Variants in PLCZ1 observed in about 807,000 individuals in gnomAD.
PLCZ1 encodes phospholipase C zeta 1.
PLCZ1 carries 64 observed loss-of-function variants against 76.8 expected under a neutral mutation model. The observed-to-expected ratio is 0.83, with a 90% confidence interval of 0.68 to 1.03. PLCZ1 has a LOEUF of 1.03. Ranked by LOEUF, PLCZ1 falls within the 50% of genes least tolerant of loss-of-function variation. The pLI is 0.00. For missense variants in PLCZ1, 751 were observed against 713.7 expected, an observed-to-expected ratio of 1.05 and a Z score of -0.60; for synonymous variants, 248 against 230.8, an observed-to-expected ratio of 1.07 and a Z score of -0.68.
At chr12:18,692,325 T>A (rs1954224215) in intron 12 of PLCZ1, among the ~76,000 whole-genome samples, 1 of 152,186 alleles carries the variant, frequency 6.6e-6, no homozygotes, top group East Asian at 1.9e-4. Context: ...GGTACAGTTA[T>A]AGCCTAAAAT....
intron 3 of PLCZ1, among the ~76,000 whole-genome samples, chr12:18,734,647 G>A (rs1390262130): frequency 2.0e-5 from 3 of 152,232 alleles, no homozygotes; most frequent in South Asian, 2.1e-4. Context: ...CACCACACCC[G>A]GCCTTGTGGT....
At chr12:18,692,810 G>A (rs1425352788) in intron 12 of PLCZ1, 5 of 1,531,130 alleles carry the variant, frequency 3.3e-6, no homozygotes, top group African/African-American at 2.7e-5. Context: ...GTGGCAAGAA[G>A]GATGACAAGC....
rs115260669 is a variant in PLCZ1, at chr12:18,689,523, G to A, written c.1462-1305C>T. Among the ~76,000 whole-genome samples the A allele has an allele frequency of 8.7e-3, 1,323 of 152,228 alleles. 15 individuals carry two copies. Among genetic ancestry groups the A allele is most frequent in the African/African-American group, 0.03 (1,265 of 41,550 alleles). On this transcript the variant is annotated intron_variant, in intron 12 of 14. Transcript: ENST00000266505. ...CCAAGATAATTCCTCTTCTTCCAAC[G>A]TGGCCCAGGGAAGCCAAAATATTGG...
chr12:18,714,920 G>A (rs1365444270), intron 5 of PLCZ1: 2 of 151,724 alleles, frequency 1.3e-5, no homozygotes, highest in African/African-American at 4.8e-5. Context: ...AGGGAGTGTC[G>A]TCCCAGCACC....
intron 6 of PLCZ1, among the ~76,000 whole-genome samples, chr12:18,706,406 A>G (rs910204141): frequency 1.3e-5 from 2 of 152,234 alleles, no homozygotes; most frequent in Non-Finnish European, 2.9e-5. Flanking sequence ...CATTATTAAC[A>G]CTGATGAGTT....
intron 3 of PLCZ1, chr12:18,735,631 T>C (rs1295664749): frequency 6.6e-6 from 1 of 152,374 alleles, no homozygotes; most frequent in Non-Finnish European, 1.5e-5. Flanking sequence ...AAATTTCCCT[T>C]TTTTTTCTAG....
chr12:18,710,494 T>A (rs1957167808), intron 6 of PLCZ1, among the ~76,000 whole-genome samples: 1 of 151,996 alleles, frequency 6.6e-6, no homozygotes. Flanking sequence ...TGTACAAATT[T>A]CAGCTTTTAT....
chr12:18,704,177 T>G (rs1348771207), intron 7 of PLCZ1, among the ~76,000 whole-genome samples: 1 of 152,038 alleles, frequency 6.6e-6, no homozygotes, highest in African/African-American at 2.4e-5. Context: ...AGATGAAGAC[T>G]AAAAGAGGTT....
intron 6 of PLCZ1, among the ~76,000 whole-genome samples, chr12:18,708,345 C>G (rs1245837632): frequency 6.6e-6 from 1 of 152,054 alleles, no homozygotes; most frequent in East Asian, 1.9e-4. Context: ...ATGGAAAGAT[C>G]TCATTCTTTG....
At chr12:18,692,659 A>G (rs2137137025) in intron 12 of PLCZ1, 1 of 645,964 alleles carries the variant, frequency 1.5e-6, no homozygotes, top group East Asian at 2.8e-5. Flanking sequence ...GCAGGAGAAA[A>G]AAATCATTTC....
chr12:18,662,080 A>G, the PLCZ1 span, among the ~76,000 whole-genome samples: 3 of 152,124 alleles, frequency 2.0e-5, no homozygotes, highest in Non-Finnish European at 2.9e-5. Context: ...AATCTTGAGT[A>G]CACATGGACA....
chr12:18,726,304 G>A (rs1302814900), intron 3 of PLCZ1, among the ~76,000 whole-genome samples: 2 of 152,114 alleles, frequency 1.3e-5, no homozygotes, highest in African/African-American at 4.8e-5. Context: ...TAAAATAAGA[G>A]TAATAAAATC....
the PLCZ1 span, among the ~76,000 whole-genome samples, chr12:18,675,657 A>G: frequency 6.6e-6 from 1 of 152,070 alleles, no homozygotes; most frequent in Non-Finnish European, 1.5e-5. Context: ...ATAAAATGTG[A>G]TATATATATC....
chr12:18,662,652 G>T, the PLCZ1 span, among the ~76,000 whole-genome samples: 1 of 151,940 alleles, frequency 6.6e-6, no homozygotes, highest in Non-Finnish European at 1.5e-5. Flanking sequence ...AGTAATTATT[G>T]GTTCATATAT....
chr12:18,720,893 G>T (rs1485345569), intron 4 of PLCZ1, among the ~76,000 whole-genome samples: 1 of 151,986 alleles, frequency 6.6e-6, no homozygotes, highest in Non-Finnish European at 1.5e-5. Context: ...ATATAGTGAT[G>T]TAAGTAAATG....
intron 3 of PLCZ1, chr12:18,731,095 C>T (rs1422215582): frequency 6.6e-6 from 1 of 151,940 alleles, no homozygotes; most frequent in Non-Finnish European, 1.5e-5. Context: ...TTAACCTCCT[C>T]TTTGTGGTTT....
intron 11 of PLCZ1, 90 bp from the exon 12 acceptor site, chr12:18,695,169 C>A: frequency 7.8e-7 from 1 of 1,274,960 alleles, no homozygotes. Flanking sequence ...ATAATGGATT[C>A]TATGTCCCCA....
chr12:18,711,957 G>T (rs995558306), intron 6 of PLCZ1, among the ~76,000 whole-genome samples: 1 of 151,896 alleles, frequency 6.6e-6, no homozygotes, highest in African/African-American at 2.4e-5. Flanking sequence ...TATTTATTTT[G>T]TACTCCATTT....
chr12:18,731,074 A>C (rs1959023885), intron 3 of PLCZ1: 1 of 151,944 alleles, frequency 6.6e-6, no homozygotes, highest in African/African-American at 2.4e-5. Flanking sequence ...GAGAAGTACA[A>C]CTTTTCTTTT....
Sources: allele counts gnomAD v4.1 joint callset (sites outside exome capture counted in the v4.1 genomes callset), GRCh38; gene constraint gnomAD v4.1.1; transcripts MANE v1.5; gene names NCBI Gene and HGNC (gene_info 2026-07-23, HGNC 2026-07-21).